Variants in CCDC90B observed in about 807,000 individuals in gnomAD.
CCDC90B encodes coiled-coil domain containing 90B.
In CCDC90B, 24 loss-of-function variants were observed where a neutral mutation model predicts 37.0. The observed-to-expected ratio is 0.65, with a 90% CI of 0.47 to 0.91. The LOEUF is 0.91. CCDC90B is among the 40% of genes least tolerant of loss of function. CCDC90B has a pLI of 0.00. For synonymous variants in CCDC90B, 113 were observed against 101.1 expected (o/e 1.12, Z -0.71); for missense variants, 319 against 299.0 (o/e 1.07, Z -0.49).
Position 83,286,128 on chromosome 11 carries a change from A to C in CCDC90B, c.-156T>G. On this transcript the variant is annotated 5_prime_UTR_variant, in exon 1 of 9. Transcript: ENST00000529689. Reference sequence around the variant, plus strand: ...CCAGCGCAGGCGCCACCGTGGTCCCACGAAACTGGGTCTCTTCACAGACAG... The same window carrying C: ...CCAGCGCAGGCGCCACCGTGGTCCCCCGAAACTGGGTCTCTTCACAGACAG... The C allele has an allele frequency of 6.5e-7, 1 of 1,536,310 alleles. No homozygotes were observed. The highest frequency in any genetic ancestry group is 8.7e-7 in the Non-Finnish European group (1 of 1,146,908).
intron 6 of CCDC90B, 36 bp downstream of exon 6, chr11:83,273,753 GGAGT>G (rs781121858): frequency 2.5e-6 from 4 of 1,600,106 alleles, no homozygotes; most frequent in African/African-American, 2.7e-5. Flanking sequence ...AAATAAAAAA[GGAGT>G]AAGTAACCAA....
chr11:83,264,522 C>T (rs1864128890), intron 8 of CCDC90B, among the ~76,000 whole-genome samples: 1 of 152,026 alleles, frequency 6.6e-6, no homozygotes, highest in Non-Finnish European at 1.5e-5. Context: ...ATATTGGCCC[C>T]CACTCTCTTC....
Position 83,278,715 on chromosome 11 carries a change from CAGTG to C in CCDC90B, c.324+7_324+10del. 1 of 1,496,852 alleles carries C rather than the reference CAGTG, an allele frequency of 6.7e-7. No homozygotes were observed. Among genetic ancestry groups the C allele is most frequent in the South Asian group, 1.2e-5 (1 of 86,746 alleles). The allele number at this position is 1,496,852 out of a possible 1,614,324, so 92.7% of individuals were successfully genotyped here. On this transcript the variant is annotated splice_region_variant and intron_variant, in intron 3 of 8. Transcript: ENST00000529689. ...TGAAAGTATCAGAAGTGATAGTAATCAGTGTATTACCTGTTGAGCTTGAGTGACC... is the reference window on the plus strand; with the variant it reads ...TGAAAGTATCAGAAGTGATAGTAATCTATTACCTGTTGAGCTTGAGTGACC...
chr11:83,278,386 T>C (rs1462824481), intron 3 of CCDC90B, among the ~76,000 whole-genome samples: 2 of 152,202 alleles, frequency 1.3e-5, no homozygotes, highest in Middle Eastern at 3.2e-3. Flanking sequence ...TAAAATATAC[T>C]GAATATATAG....
At chr11:83,265,325 T>C (rs1864187459) in intron 8 of CCDC90B, among the ~76,000 whole-genome samples, 1 of 152,180 alleles carries the variant, frequency 6.6e-6, no homozygotes, top group African/African-American at 2.4e-5. Flanking sequence ...TCCAGGTTTT[T>C]AATGGGCTTA....
chr11:83,280,300 T>G (rs1865311667), intron 1 of CCDC90B, 40 bp from the exon 2 acceptor site: 2 of 1,575,640 alleles, frequency 1.3e-6, no homozygotes, highest in African/African-American at 1.4e-5. Context: ...TAGTAACTGA[T>G]AGCTTACAAA....
At chr11:83,278,703 A>G (rs1362290518) in intron 3 of CCDC90B, 23 bp downstream of exon 3, 2 of 1,402,192 alleles carry the variant, frequency 1.4e-6, no homozygotes, top group South Asian at 2.4e-5. Context: ...AAGTATCAGA[A>G]GTGATAGTAA....
At chr11:83,285,782 T>C in intron 1 of CCDC90B, 91 bp downstream of exon 1, 1 of 1,502,136 alleles carries the variant, frequency 6.7e-7, no homozygotes. Flanking sequence ...CGTGGCACCT[T>C]CTCTTCCCGT....
chr11:83,264,024 T>G (rs576505997), intron 8 of CCDC90B, among the ~76,000 whole-genome samples: 38 of 152,170 alleles, frequency 2.5e-4, no homozygotes, highest in Non-Finnish European at 4.9e-4. Flanking sequence ...GTGCATATCT[T>G]TTTGACCCCA....
chr11:83,285,309 G>C, intron 1 of CCDC90B: 1 of 1,227,220 alleles, frequency 8.1e-7, no homozygotes. Flanking sequence ...ATGTCTTCAG[G>C]ACACCCTGTT....
In CCDC90B at chr11:83,268,415, A is replaced by G. The variant is rs1284738202; in HGVS notation, c.595-2436T>C. 3.6e-5 allele frequency among the ~76,000 whole-genome samples: 4 copies of G among 110,198 alleles called. No homozygotes were observed. In the East Asian group the frequency reaches 1.1e-3, roughly 30 times the overall value. 72.3% of individuals were successfully genotyped at this position (110,198 alleles called of 152,430 possible). On this transcript the variant is annotated intron_variant, in intron 7 of 8. Transcript: ENST00000529689. ...ATAAAGGGATGCAGGAAGATGTACC[A>G]AGCAAATGGAAAGCAAAAAAAAAAA...
At chr11:83,271,671 T>C (rs1565212471) in intron 7 of CCDC90B, among the ~76,000 whole-genome samples, 3 of 152,192 alleles carry the variant, frequency 2.0e-5, no homozygotes, top group African/African-American at 7.2e-5. Flanking sequence ...TTGGTGGGAG[T>C]GTAAATTCGT....
At chr11:83,264,778 A>G (rs1052179007) in intron 8 of CCDC90B, among the ~76,000 whole-genome samples, 1 of 152,070 alleles carries the variant, frequency 6.6e-6, no homozygotes, top group African/African-American at 2.4e-5. Flanking sequence ...CTATGCAGCC[A>G]TAAAAAATGA....
At chr11:83,262,091 G>GT in intron 8 of CCDC90B, 125 bp from the exon 9 acceptor site, 4 of 609,878 alleles carry the variant, frequency 6.6e-6, no homozygotes, top group Non-Finnish European at 1.1e-5. Flanking sequence ...TCTATCCTAT[G>GT]TTTTTTATTC....
intron 7 of CCDC90B, chr11:83,267,129 G>A (rs1864330284): frequency 6.6e-6 from 1 of 152,176 alleles, no homozygotes; most frequent in Non-Finnish European, 1.5e-5. Context: ...AAAGACCAGA[G>A]GTAGATAAAA....
intron 7 of CCDC90B, among the ~76,000 whole-genome samples, chr11:83,269,036 G>A (rs146481996): frequency 6.6e-6 from 1 of 152,194 alleles, no homozygotes; most frequent in African/African-American, 2.4e-5. Context: ...ACGAAATGAA[G>A]GCAGAAATAA....
At chr11:83,266,259 C>A (rs1039407414) in intron 7 of CCDC90B, among the ~76,000 whole-genome samples, 1 of 152,166 alleles carries the variant, frequency 6.6e-6, no homozygotes, top group East Asian at 1.9e-4. Flanking sequence ...ACTGGTTGGA[C>A]AGTGGGTGCA....
chr11:83,280,029 G>A (rs1473301176), intron 2 of CCDC90B, 112 bp downstream of exon 2: 2 of 998,162 alleles, frequency 2.0e-6, no homozygotes, highest in Non-Finnish European at 2.9e-6. Context: ...TCATTGTATG[G>A]ATGGTACATC....
chr11:83,260,843 A>G lies in CCDC90B; in HGVS notation c.*1068T>C, dbSNP rs928854113. On this transcript the variant is annotated 3_prime_UTR_variant, in exon 9 of 9. Coordinates refer to ENST00000529689, the MANE Select transcript of CCDC90B (RefSeq NM_021825.5). ...ATATCTAATAACAAAACAAAATACG[A>G]ATTTAAATTTTCCTATGAGTTTCTT... 2.6e-5 allele frequency: 4 copies of G among 152,184 alleles called. No homozygotes were observed. Among genetic ancestry groups the G allele is most frequent in the African/African-American group, 9.6e-5 (4 of 41,460 alleles). The allele number at this position is 152,184 out of a possible 1,614,324, so 9.4% of individuals were successfully genotyped here.
Sources: allele counts gnomAD v4.1 joint callset (sites outside exome capture counted in the v4.1 genomes callset), GRCh38; gene constraint gnomAD v4.1.1; transcripts MANE v1.5; gene names NCBI Gene and HGNC (gene_info 2026-07-23, HGNC 2026-07-21).